The following GABRB1 variants were observed in gnomAD, a reference collection of about 807,000 sequenced individuals.
GABRB1 encodes gamma-aminobutyric acid receptor subunit beta-1.
GABRB1 carries 17 observed loss-of-function variants against 51.6 expected under a neutral mutation model. The observed-to-expected ratio is 0.33, with a 90% CI of 0.23 to 0.49. GABRB1 has a LOEUF of 0.49. GABRB1 is among the 20% of genes least tolerant of loss of function. The pLI is 0.99. For synonymous variants in GABRB1, 247 were observed against 218.9 expected, an observed-to-expected ratio of 1.13 and a Z score of -1.14; for missense variants, 410 against 600.6, an observed-to-expected ratio of 0.68 and a Z score of 3.32.
At position 47,324,958 on chromosome 4, in the gene GABRB1, G is replaced by A. The variant is rs142458689; in HGVS notation, c.544+4749G>A. Among the ~76,000 whole-genome samples the A allele has an allele frequency of 4.3e-3, 660 of 152,166 alleles. 3 individuals are homozygous for A. The highest frequency in any genetic ancestry group is 7.3e-3 in the Admixed American group (112 of 15,276). ...TACTTGCAAAATATTTATCAGGCCCGTCCATTTCTCCCCCGCTCTATTGCC... is the reference window on the plus strand; with the variant it reads ...TACTTGCAAAATATTTATCAGGCCCATCCATTTCTCCCCCGCTCTATTGCC... On this transcript the variant is annotated intron_variant, in intron 5 of 8. Transcript: ENST00000295454.
At chr4:47,142,808 G>C (rs1247656036) in intron 3 of GABRB1, among the ~76,000 whole-genome samples, 1 of 151,860 alleles carries the variant, frequency 6.6e-6, no homozygotes, top group Non-Finnish European at 1.5e-5. Context: ...CCAAGTGAAT[G>C]CATGACCAAG....
Position 47,243,060 on chromosome 4 carries a change from G to A in GABRB1, c.462-77067G>A, listed in dbSNP as rs185635106. ...TTTAATCCATCTTGAATTAATTTTT[G>A]TATCAGGTGTAAGGAAGGGATCCAG... On this transcript the variant is annotated intron_variant, in intron 4 of 8. Coordinates refer to ENST00000295454, the MANE Select transcript of GABRB1 (RefSeq NM_000812.4). 1.9e-3 allele frequency among the ~76,000 whole-genome samples: 288 copies of A among 152,196 alleles called. 3 individuals are homozygous for A. Among genetic ancestry groups the A allele is most frequent in the African/African-American group, 6.5e-3 (271 of 41,536 alleles).
chr4:47,019,565 CT>C (rs1724847420), intron 1 of GABRB1, among the ~76,000 whole-genome samples: 2 of 151,294 alleles, frequency 1.3e-5, no homozygotes, highest in Non-Finnish European at 2.9e-5. Flanking sequence ...CTCTCTCTCT[CT>C]CTCTCTCTCT....
At chr4:47,359,325 T>C (rs1726713980) in intron 5 of GABRB1, among the ~76,000 whole-genome samples, 1 of 152,150 alleles carries the variant, frequency 6.6e-6, no homozygotes. Flanking sequence ...TGTTATTCAG[T>C]GTTTAGAAAA....
intron 8 of GABRB1, among the ~76,000 whole-genome samples, chr4:47,411,293 C>T (rs1235496225): frequency 6.6e-6 from 1 of 152,070 alleles, no homozygotes; most frequent in East Asian, 1.9e-4. Flanking sequence ...GGTATATACA[C>T]ACTATGGAGT....
chr4:47,378,981 G>C (rs1019970463), intron 5 of GABRB1, among the ~76,000 whole-genome samples: 1 of 152,098 alleles, frequency 6.6e-6, no homozygotes, highest in African/African-American at 2.4e-5. Flanking sequence ...TGGCGTGATA[G>C]ATTCAAAATG....
chr4:47,236,661 G>C (rs1414513453), intron 4 of GABRB1, among the ~76,000 whole-genome samples: 6 of 152,104 alleles, frequency 3.9e-5, no homozygotes, highest in East Asian at 1.9e-4. Context: ...TTTTGTCTCT[G>C]TATTTGTTCT....
At chr4:47,312,167 TA>T (rs1724715058) in intron 4 of GABRB1, among the ~76,000 whole-genome samples, 1 of 152,080 alleles carries the variant, frequency 6.6e-6, no homozygotes, top group East Asian at 1.9e-4. Flanking sequence ...TAAAATTAAA[TA>T]TCAATATGAC....
At chr4:47,042,420 A>G (rs1427350806) in intron 3 of GABRB1, among the ~76,000 whole-genome samples, 6 of 140,232 alleles carry the variant, frequency 4.3e-5, no homozygotes, top group African/African-American at 1.3e-4. Flanking sequence ...TACAGTATAT[A>G]TATATATATA....
chr4:47,271,432 A>G (rs901255213), intron 4 of GABRB1, among the ~76,000 whole-genome samples: 4 of 152,190 alleles, frequency 2.6e-5, no homozygotes, highest in Admixed American at 2.6e-4. Context: ...TAATTAACCT[A>G]CCTCATCTGC....
intron 5 of GABRB1, among the ~76,000 whole-genome samples, chr4:47,352,191 G>A (rs554658941): frequency 7.9e-5 from 12 of 152,158 alleles, no homozygotes; most frequent in Non-Finnish European, 1.5e-4. Flanking sequence ...TGTGTCTGTT[G>A]GCTGCATAAA....
At chr4:47,175,058 T>G (rs989052900) in intron 4 of GABRB1, among the ~76,000 whole-genome samples, 1 of 140,624 alleles carries the variant, frequency 7.1e-6, no homozygotes, top group African/African-American at 2.6e-5. Context: ...CCTCCCTCCC[T>G]TCTTTCCTTC....
intron 1 of GABRB1, among the ~76,000 whole-genome samples, chr4:47,010,408 G>A (rs1252886953): frequency 2.0e-5 from 3 of 152,154 alleles, no homozygotes; most frequent in Non-Finnish European, 4.4e-5. Flanking sequence ...GAGGGGTTAA[G>A]TAACAAAATA....
At chr4:47,233,682 A>C (rs1033205930) in intron 4 of GABRB1, among the ~76,000 whole-genome samples, 3 of 152,208 alleles carry the variant, frequency 2.0e-5, no homozygotes, top group African/African-American at 7.2e-5. Context: ...TCATATCACT[A>C]GACTGTATAA....
intron 4 of GABRB1, among the ~76,000 whole-genome samples, chr4:47,191,407 C>A (rs1035191767): frequency 1.3e-5 from 2 of 152,148 alleles, no homozygotes; most frequent in African/African-American, 4.8e-5. Context: ...ACTTCACCCC[C>A]TAACTGTTCC....
At chr4:47,412,211 C>G (rs540043567) in intron 8 of GABRB1, among the ~76,000 whole-genome samples, 114 of 152,264 alleles carry the variant, frequency 7.5e-4, no homozygotes, top group African/African-American at 2.5e-3. Context: ...CAATTATACA[C>G]CCCAGAGCCC....
chr4:47,233,139 G>T (rs1410996364), intron 4 of GABRB1, among the ~76,000 whole-genome samples: 1 of 152,184 alleles, frequency 6.6e-6, no homozygotes. Flanking sequence ...GCCTTCCAAA[G>T]TGCTGGGATT....
At chr4:47,279,290 T>G (rs1380813772) in intron 4 of GABRB1, among the ~76,000 whole-genome samples, 1 of 152,164 alleles carries the variant, frequency 6.6e-6, no homozygotes, top group Non-Finnish European at 1.5e-5. Context: ...ATTTTCAAAC[T>G]GCAGCCATTC....
At chr4:47,161,838 T>A (rs1474923608) in intron 4 of GABRB1, among the ~76,000 whole-genome samples, 1 of 152,060 alleles carries the variant, frequency 6.6e-6, no homozygotes, top group Admixed American at 6.6e-5. Flanking sequence ...TGTTTCAGAG[T>A]GTTCATAAGC....
Sources: gnomAD v4.1 joint callset for allele counts (sites outside exome capture counted in the v4.1 genomes callset) on GRCh38, gnomAD v4.1.1 for gene constraint, MANE v1.5 for transcripts, NCBI Gene and HGNC (gene_info 2026-07-23, HGNC 2026-07-21) for gene names.